The following CAMTA1 variants were observed in gnomAD, a reference collection of about 807,000 sequenced individuals.
CAMTA1 encodes calmodulin-binding transcription activator 1.
CAMTA1 carries 27 observed loss-of-function variants against 170.9 expected under a neutral mutation model. The observed-to-expected ratio is 0.16, with a 90% CI of 0.12 to 0.22. The LOEUF is 0.22. Ranked by LOEUF, CAMTA1 falls within the 10% of genes least tolerant of loss-of-function variation. The pLI, the probability that CAMTA1 is intolerant of heterozygous loss-of-function variation, is 1.00. For synonymous variants in CAMTA1, 833 were observed against 891.5 expected (o/e 0.93, Z 1.17); for missense variants, 1,619 against 2,217.2 (o/e 0.73, Z 5.42).
At chr1:7,500,533 G>A (rs985348252) in intron 6 of CAMTA1, among the ~76,000 whole-genome samples, 3 of 152,214 alleles carry the variant, frequency 2.0e-5, no homozygotes, top group South Asian at 2.1e-4. Flanking sequence ...AGGCTACTGC[G>A]CCCACTCTGT....
intron 3 of CAMTA1, among the ~76,000 whole-genome samples, chr1:7,060,987 CCTT>C (rs1025528355): frequency 1.2e-4 from 19 of 152,132 alleles, no homozygotes; most frequent in African/African-American, 4.1e-4. Flanking sequence ...TGTTCTTCCT[CCTT>C]CTTTTTTTAT....
In CAMTA1 at chr1:7,231,365, G is replaced by GAT. The variant is rs1415056567; in HGVS notation, c.303-18125_303-18124insTA. On this transcript the variant is annotated intron_variant, in intron 4 of 22. Coordinates refer to ENST00000303635, the MANE Select transcript of CAMTA1 (RefSeq NM_015215.4). ...TGTGTGTGTGTGAGAGAGAGAGAGA[G>GAT]AGAGAGAGGTTTTATTTTTTTTGAA... Among the ~76,000 whole-genome samples, 11 of 151,618 alleles carry GAT rather than the reference G, an allele frequency of 7.3e-5. 1 individual carries two copies. The South Asian group carries it at 2.1e-3, about 29-fold the overall frequency.
chr1:7,496,096 C>T (rs1222394009), intron 6 of CAMTA1, among the ~76,000 whole-genome samples: 6 of 152,322 alleles, frequency 3.9e-5, no homozygotes, highest in Non-Finnish European at 7.3e-5. Flanking sequence ...CAGACCCAGC[C>T]GCCAGGACCC....
chr1:6,917,989 A>G (rs936964500), intron 3 of CAMTA1, among the ~76,000 whole-genome samples: 3 of 152,132 alleles, frequency 2.0e-5, no homozygotes, highest in Admixed American at 1.3e-4. Context: ...AGAGGTGTCC[A>G]TGCTGTCTGG....
At chr1:7,477,218 G>A (rs1237176333) in intron 6 of CAMTA1, among the ~76,000 whole-genome samples, 2 of 152,166 alleles carry the variant, frequency 1.3e-5, no homozygotes, top group Non-Finnish European at 2.9e-5. Context: ...CGCCTCGAAA[G>A]CTTCATCTGG....
intron 4 of CAMTA1, among the ~76,000 whole-genome samples, chr1:7,107,674 G>C (rs1328279529): frequency 1.1e-4 from 16 of 152,170 alleles, no homozygotes. Flanking sequence ...AGCCTGGCCG[G>C]GGCTCAGCCA....
intron 5 of CAMTA1, among the ~76,000 whole-genome samples, chr1:7,466,684 A>G (rs1437556022): frequency 1.3e-5 from 2 of 152,134 alleles, no homozygotes; most frequent in African/African-American, 4.8e-5. Context: ...GCTCTGAGGA[A>G]CTTTCCTCCC....
chr1:6,961,372 G>A (rs1690374904), intron 3 of CAMTA1, among the ~76,000 whole-genome samples: 1 of 152,212 alleles, frequency 6.6e-6, no homozygotes, highest in African/African-American at 2.4e-5. Flanking sequence ...AGCTCTGCAC[G>A]TCACGTCCCT....
At chr1:7,605,693 G>T (rs1262983587) in intron 6 of CAMTA1, among the ~76,000 whole-genome samples, 1 of 152,154 alleles carries the variant, frequency 6.6e-6, no homozygotes, top group East Asian at 1.9e-4. Flanking sequence ...CCACTGTCCT[G>T]CACCCACTTT....
intron 4 of CAMTA1, among the ~76,000 whole-genome samples, chr1:7,241,954 C>A (rs945994439): frequency 1.3e-5 from 2 of 151,754 alleles, no homozygotes; most frequent in South Asian, 4.2e-4. Context: ...TTGGAACTTA[C>A]CAAAGGGGAA....
Position 7,067,489 on chromosome 1 carries a change from C to A in CAMTA1, c.235-23815C>A, listed in dbSNP as rs148608939. 6.6e-6 allele frequency among the ~76,000 whole-genome samples: 1 copy of A among 152,286 alleles called. No individual in the cohort carries two copies. Among genetic ancestry groups the A allele is most frequent in the African/African-American group, 2.4e-5 (1 of 41,554 alleles). ...GAATGATCTTGACTCTGTTCCCAACCAGCCTCTTGGTTTAATTCCAGGATT... is the reference window on the plus strand; with the variant it reads ...GAATGATCTTGACTCTGTTCCCAACAAGCCTCTTGGTTTAATTCCAGGATT... On this transcript the variant is annotated intron_variant, in intron 3 of 22. Coordinates refer to ENST00000303635, the MANE Select transcript of CAMTA1 (RefSeq NM_015215.4). This position sits in a 1 kb window ranked among gnomAD's most constrained non-coding sequence, Gnocchi z 4.3.
chr1:7,499,605 A>AGT (rs1322053127), intron 6 of CAMTA1, among the ~76,000 whole-genome samples: 4 of 128,050 alleles, frequency 3.1e-5, no homozygotes, highest in Non-Finnish European at 4.8e-5. Flanking sequence ...TATGTATATG[A>AGT]GTGTGTGTGT....
In CAMTA1 at chr1:6,887,961, C is replaced by A; in HGVS notation, c.234+62751C>A. 8.0e-7 allele frequency: 1 copy of A among 1,256,418 alleles called. No individual in the cohort carries two copies. The highest frequency in any genetic ancestry group is 1.0e-6 in the Non-Finnish European group (1 of 991,190). 77.8% of individuals were successfully genotyped at this position (1,256,418 alleles called of 1,614,324 possible). Reference sequence around the variant, plus strand: ...GAGCTCTGGAGAGCAGGGCTCTGTGCACACGCCTCCTGGTCCAGAGGCCTC... The same window carrying A: ...GAGCTCTGGAGAGCAGGGCTCTGTGAACACGCCTCCTGGTCCAGAGGCCTC... On this transcript the variant is annotated intron_variant, in intron 3 of 22. Coordinates refer to ENST00000303635, the MANE Select transcript of CAMTA1 (RefSeq NM_015215.4). The surrounding 1 kb of genome is among the most constrained non-coding windows in gnomAD (Gnocchi z 4.1).
At chr1:6,882,664 G>GT (rs1671950126) in intron 3 of CAMTA1, among the ~76,000 whole-genome samples, 1 of 152,042 alleles carries the variant, frequency 6.6e-6, no homozygotes, top group South Asian at 2.1e-4. Flanking sequence ...ATAGGCAGTC[G>GT]TATGTTTGAG....
intron 4 of CAMTA1, among the ~76,000 whole-genome samples, chr1:7,098,126 TGCGC>T (rs1642297905): frequency 2.1e-5 from 3 of 140,672 alleles, no homozygotes; most frequent in African/African-American, 7.8e-5. Context: ...TGTGTGCACG[TGCGC>T]GTGCGTGCGC....
intron 14 of CAMTA1, 26 bp downstream of exon 14, chr1:7,737,035 C>G (rs376975910): frequency 2.6e-5 from 41 of 1,557,498 alleles, no homozygotes; most frequent in Middle Eastern, 1.7e-4. Flanking sequence ...CTGTAGCCCC[C>G]CCTTGCTGTT....
Position 7,147,671 on chromosome 1 carries a change from A to G in CAMTA1, c.302+56300A>G, listed in dbSNP as rs563834706. ...ACACATACTCAAATATGCACCATGC[A>G]CACACACATTCATACACCATGCACA... On this transcript the variant is annotated intron_variant, in intron 4 of 22. Coordinates refer to ENST00000303635, the MANE Select transcript of CAMTA1 (RefSeq NM_015215.4). Among the ~76,000 whole-genome samples the G allele has an allele frequency of 5.3e-3, 799 of 151,818 alleles. 8 individuals carry two copies. The highest frequency in any genetic ancestry group is 0.019 in the African/African-American group (777 of 41,386).
At chr1:6,967,917 A>G (rs1046655007) in intron 3 of CAMTA1, among the ~76,000 whole-genome samples, 2 of 152,196 alleles carry the variant, frequency 1.3e-5, no homozygotes, top group Non-Finnish European at 2.9e-5. Flanking sequence ...TTATGCTGCT[A>G]TGTAAATATT....
At chr1:7,747,552 T>A (rs2096865576) in intron 18 of CAMTA1, among the ~76,000 whole-genome samples, 158 bp from the exon 19 acceptor site, 2 of 152,268 alleles carry the variant, frequency 1.3e-5, no homozygotes, top group African/African-American at 4.8e-5. Context: ...GTTTATTCTA[T>A]AAATTCATTT....
Sources: allele counts gnomAD v4.1 joint callset (sites outside exome capture counted in the v4.1 genomes callset), GRCh38; gene constraint gnomAD v4.1.1; non-coding constraint Gnocchi (gnomAD v3.1); transcripts MANE v1.5; gene names NCBI Gene and HGNC (gene_info 2026-07-23, HGNC 2026-07-21).